Variants in HS2ST1 observed in about 807,000 individuals in gnomAD.
HS2ST1 encodes the protein 2-O-sulfotransferase.
A neutral mutation model predicts 42.9 loss-of-function variants in HS2ST1; 18 were observed. That is an observed-to-expected ratio of 0.42 (90% CI 0.29 to 0.62). HS2ST1 has a LOEUF of 0.62. Ranked by LOEUF, HS2ST1 falls within the 20% of genes least tolerant of loss-of-function variation. The pLI is 0.21. For synonymous variants in HS2ST1, 146 were observed against 152.9 expected (o/e 0.95, Z 0.33); for missense variants, 334 against 433.8 (o/e 0.77, Z 2.04).
chr1:87,099,484 TA>T (rs1422769871), intron 5 of HS2ST1, among the ~76,000 whole-genome samples: 9 of 152,168 alleles, frequency 5.9e-5, no homozygotes, highest in Non-Finnish European at 1.3e-4. Flanking sequence ...GGGATGGCAC[TA>T]AACCATTCAT....
At chr1:86,986,345 G>A (rs1648785030) in intron 1 of HS2ST1, among the ~76,000 whole-genome samples, 1 of 151,992 alleles carries the variant, frequency 6.6e-6, no homozygotes, top group Admixed American at 6.6e-5. Flanking sequence ...GTTCCACTAG[G>A]TTGGTATCTT....
intron 1 of HS2ST1, among the ~76,000 whole-genome samples, chr1:86,971,886 C>G (rs1648243030): frequency 6.6e-6 from 1 of 152,106 alleles, no homozygotes; most frequent in Non-Finnish European, 1.5e-5. Context: ...AAAACTATCA[C>G]TCTTCAGAAT....
chr1:87,046,210 C>T, intron 1 of HS2ST1: 1 of 877,362 alleles, frequency 1.1e-6, no homozygotes, highest in Non-Finnish European at 1.9e-6. Context: ...AGTGGAACTG[C>T]TGGGTATCTT....
At chr1:87,035,022 T>C (rs557671134) in intron 1 of HS2ST1, among the ~76,000 whole-genome samples, 2 of 152,140 alleles carry the variant, frequency 1.3e-5, no homozygotes, top group Admixed American at 6.5e-5. Context: ...TCTTAGTCAG[T>C]GAGAGAGAGA....
chr1:86,925,697 C>T (rs1032683216), intron 1 of HS2ST1, among the ~76,000 whole-genome samples: 5 of 152,202 alleles, frequency 3.3e-5, no homozygotes, highest in African/African-American at 1.2e-4. Flanking sequence ...TACCAGTTCC[C>T]TCCTGCAACA....
At position 87,097,849 on chromosome 1, in the gene HS2ST1, A is replaced by C. The variant is rs1282915945; in HGVS notation, c.600A>C (p.Glu200Asp). 2.5e-6 allele frequency: 4 copies of C among 1,613,876 alleles called. No individual in the cohort carries two copies. The highest frequency in any genetic ancestry group is 3.4e-6 in the Non-Finnish European group (4 of 1,179,932). The change falls in exon 5 of 7, where the codon GAA (glutamate) becomes GAC (aspartate). Residue 200 changes from glutamate to aspartate, a missense_variant. Physicochemically the swap from Glu to Asp is conservative, Grantham distance 45. Coordinates refer to ENST00000370550, the MANE Select transcript of HS2ST1 (RefSeq NM_012262.4). The part of the protein sequence containing the change: ...RKQGDKKTFD[E>D]CVAEGGSDCA... ...TGTCTTTGTTCTAGACCTTTGATGA[A>C]TGTGTAGCAGAAGGTGGCTCAGACT... is the stretch of plus-strand genomic sequence containing the variant.
At chr1:86,951,236 T>TA (rs1258173160) in intron 1 of HS2ST1, among the ~76,000 whole-genome samples, 1 of 152,204 alleles carries the variant, frequency 6.6e-6, no homozygotes. Flanking sequence ...CTCAATGTCT[T>TA]AAAGCTAGGC....
intron 3 of HS2ST1, among the ~76,000 whole-genome samples, chr1:87,086,963 T>C (rs1394481627): frequency 6.6e-6 from 1 of 151,904 alleles, no homozygotes; most frequent in African/African-American, 2.4e-5. Flanking sequence ...AAATTGTATA[T>C]AGGTTGGACA....
chr1:86,947,829 TC>T (rs1344290399), intron 1 of HS2ST1, among the ~76,000 whole-genome samples: 1 of 152,134 alleles, frequency 6.6e-6, no homozygotes, highest in Non-Finnish European at 1.5e-5. Context: ...AGAATGATGT[TC>T]CTGGGAGAGC....
chr1:87,008,480 A>G (rs1312265516), intron 1 of HS2ST1, among the ~76,000 whole-genome samples: 1 of 152,248 alleles, frequency 6.6e-6, no homozygotes, highest in Non-Finnish European at 1.5e-5. Flanking sequence ...ACTGAGCAAC[A>G]ATGACATGAA....
chr1:87,016,830 A>T lies in HS2ST1; in HGVS notation c.125-56104A>T, dbSNP rs547651662. On this transcript the variant is annotated intron_variant, in intron 1 of 6. Coordinates refer to ENST00000370550, the MANE Select transcript of HS2ST1 (RefSeq NM_012262.4). ...AGAGAGTTGCTATAGGATGGTGGAG[A>T]TTTTTGACCGTCAGTTTCTTTAATG... Among the ~76,000 whole-genome samples, 8 of 149,778 alleles carry T rather than the reference A, an allele frequency of 5.3e-5. No homozygotes were observed. In the South Asian group the frequency reaches 6.4e-4, roughly 12 times the overall value.
At chr1:87,050,088 A>G (rs115065562) in intron 1 of HS2ST1, among the ~76,000 whole-genome samples, 3,659 of 151,856 alleles carry the variant, frequency 0.024, 60 homozygotes, top group Non-Finnish European at 0.035. Context: ...TGATAATGTG[A>G]TATATCTTTT....
chr1:87,046,391 A>C lies in HS2ST1; in HGVS notation c.125-26543A>C, dbSNP rs72955540. 10,165 of 788,440 alleles carry C rather than the reference A, an allele frequency of 0.013. 708 individuals carry two copies. The African/African-American group carries it at 0.15, about 12-fold the overall frequency. 48.8% of individuals were successfully genotyped at this position (788,440 alleles called of 1,614,324 possible). ...GTATCTCCTGACAGAGCTGACCCTG[A>C]AGCTGCCTGGGAACCAACAGAAGCC... On this transcript the variant is annotated intron_variant, in intron 1 of 6. Transcript: ENST00000370550.
At chr1:86,940,746 G>T (rs1660743774) in intron 1 of HS2ST1, among the ~76,000 whole-genome samples, 1 of 152,084 alleles carries the variant, frequency 6.6e-6, no homozygotes, top group African/African-American at 2.4e-5. Flanking sequence ...ATCCTAGCTA[G>T]CCCTTTGGGA....
At chr1:87,071,806 G>A (rs1426517481) in intron 1 of HS2ST1, among the ~76,000 whole-genome samples, 1 of 151,716 alleles carries the variant, frequency 6.6e-6, no homozygotes, top group African/African-American at 2.4e-5. Context: ...GAGTTGAAAT[G>A]TAAAGGTTGG....
chr1:87,025,727 T>G (rs577261764), intron 1 of HS2ST1, among the ~76,000 whole-genome samples: 2 of 152,332 alleles, frequency 1.3e-5, no homozygotes, highest in East Asian at 3.9e-4. Context: ...TAATTTGCTT[T>G]TCTCCCCACA....
At chr1:87,089,012 G>GATTTCATACTAAAATCTGCTTC (rs1651877759) in intron 3 of HS2ST1, among the ~76,000 whole-genome samples, 1 of 151,976 alleles carries the variant, frequency 6.6e-6, no homozygotes, top group African/African-American at 2.4e-5. Context: ...GTATGAAGCA[G>GATTTCATACTAAAATCTGCTTC]AAAGATTTCA....
At chr1:86,916,402 G>GA (rs1400263791) in intron 1 of HS2ST1, among the ~76,000 whole-genome samples, 2 of 152,088 alleles carry the variant, frequency 1.3e-5, no homozygotes, top group African/African-American at 4.8e-5. Flanking sequence ...TAATTTTTAG[G>GA]AAAAATGTAC....
At chr1:87,068,464 C>T (rs1476417858) in intron 1 of HS2ST1, among the ~76,000 whole-genome samples, 10 of 152,038 alleles carry the variant, frequency 6.6e-5, no homozygotes, top group South Asian at 2.1e-4. Flanking sequence ...TGGGCTGAGA[C>T]GATGGGGTTT....
Sources: allele counts gnomAD v4.1 joint callset (sites outside exome capture counted in the v4.1 genomes callset), GRCh38; gene constraint gnomAD v4.1.1; transcripts MANE v1.5; gene names NCBI Gene and HGNC (gene_info 2026-07-23, HGNC 2026-07-21).